Variants in PLAGL1 observed in about 807,000 individuals in gnomAD.
The protein encoded by PLAGL1 is PLAG1 like zinc finger 1.
Under a neutral mutation model 4.6 loss-of-function variants are expected in PLAGL1, and 1 was observed. The observed-to-expected ratio is 0.22, with a 90% confidence interval of 0.08 to 1.03. The LOEUF is 1.03. PLAGL1 is among the 50% of genes least tolerant of loss of function. PLAGL1 has a pLI of 0.58. For missense variants in PLAGL1, 464 were observed against 570.4 expected (o/e 0.81, Z 1.90); for synonymous variants, 240 against 237.8 (o/e 1.01, Z -0.08).
rs964386425 is a variant in PLAGL1 at position 144,062,491 on chromosome 6, A to C, written c.-151+1977T>G. 6.0e-5 allele frequency among the ~76,000 whole-genome samples: 9 copies of C among 151,058 alleles called. No homozygotes were observed. The East Asian group carries it at 1.2e-3, about 19-fold the overall frequency. On this transcript the variant is annotated intron_variant, in intron 1 of 3. Transcript: ENST00000437412. The stretch of plus-strand genomic sequence containing the variant: ...AGACCAAAAAAAAAAAAAAAAAAAA[A>C]AAAACACAGATTTGACTATACAGTG...
rs779000011 is a variant in PLAGL1, at chr6:144,063,449, G to A, written c.-151+1019C>T. ...CCCTCACGTGATTCAGGACATCTGG[G>A]GTGGGCCCAATAGGTGTGTTCTGAA... On this transcript the variant is annotated intron_variant, in intron 1 of 3. Transcript: ENST00000437412. The surrounding 1 kb of genome is among the most constrained non-coding windows in gnomAD (Gnocchi z 5.7). 4.6e-5 allele frequency among the ~76,000 whole-genome samples: 7 copies of A among 152,152 alleles called. No homozygotes were observed. Among genetic ancestry groups the A allele is most frequent in the Non-Finnish European group, 1.0e-4 (7 of 68,032 alleles).
intron 6 of PLAGL1, among the ~76,000 whole-genome samples, chr6:143,956,571 C>A (rs1451007466): frequency 6.6e-6 from 1 of 152,184 alleles, no homozygotes; most frequent in African/African-American, 2.4e-5. Context: ...AAACAAAAAT[C>A]TTTTGGTTAT....
chr6:143,995,840 C>A lies in PLAGL1; in HGVS notation c.-583-10666G>T, dbSNP rs910701263. Among the ~76,000 whole-genome samples, 2 of 151,956 alleles carry A rather than the reference C, an allele frequency of 1.3e-5. No individual in the cohort carries two copies. Among genetic ancestry groups the A allele is most frequent in the East Asian group, 3.9e-4 (2 of 5,190 alleles). ...TAAAACAGAGGTTTTTGTTTCAAAG[C>A]CCAGTAATAATAAGTATTTCCATAA... On this transcript the variant is annotated intron_variant, in intron 1 of 7. Coordinates refer to ENST00000674357, the MANE Select transcript of PLAGL1 (RefSeq NM_001317162.2). This position sits in a 1 kb window ranked among gnomAD's most constrained non-coding sequence, Gnocchi z 4.4.
chr6:144,011,333 A>G (rs1795172755), upstream of PLAGL1, among the ~76,000 whole-genome samples: 2 of 152,244 alleles, frequency 1.3e-5, no homozygotes, highest in East Asian at 3.8e-4. This position sits in a 1 kb window ranked among gnomAD's most constrained non-coding sequence, Gnocchi z 4.3. Flanking sequence ...TTATGTGGCC[A>G]ACAAACATAT....
intron 1 of PLAGL1, among the ~76,000 whole-genome samples, chr6:144,032,284 C>CTT (rs11288479): frequency 2.7e-4 from 31 of 113,422 alleles, no homozygotes; most frequent in African/African-American, 8.3e-4. Context: ...CCACACCTGG[C>CTT]TTTTTTTTTT....
chr6:143,947,869 A>G lies in PLAGL1; in HGVS notation c.152+116T>C, dbSNP rs142848688. 2.5e-4 allele frequency: 190 copies of G among 774,008 alleles called. No homozygotes were observed. In the African/African-American group the frequency reaches 3.1e-3, roughly 12 times the overall value. 47.9% of individuals were successfully genotyped at this position (774,008 alleles called of 1,614,324 possible). ...GATGCAGATTTCAAGAATCCCTCAA[A>G]GGCTAAAATGCATCCATATCCTGTG... is the stretch of plus-strand genomic sequence containing the variant. On this transcript the variant is annotated intron_variant, in intron 7 of 7. Coordinates refer to ENST00000674357, the MANE Select transcript of PLAGL1 (RefSeq NM_001317162.2). This position sits in a 1 kb window ranked among gnomAD's most constrained non-coding sequence, Gnocchi z 4.3.
rs118003051 is a variant in PLAGL1, at chr6:144,038,881, G to A, written c.-151+25587C>T. On this transcript the variant is annotated intron_variant, in intron 1 of 3. Transcript: ENST00000437412. ...TGAAAAAGTCATAAACTTGATTATAGTGGAAAATGCACAACTCTATGAATA... is the reference window on the plus strand; with the variant it reads ...TGAAAAAGTCATAAACTTGATTATAATGGAAAATGCACAACTCTATGAATA... Among the ~76,000 whole-genome samples the A allele has an allele frequency of 2.5e-3, 374 of 152,328 alleles. 2 individuals carry two copies. The highest frequency in any genetic ancestry group is 4.2e-3 in the Admixed American group (64 of 15,298).
intron 1 of PLAGL1, among the ~76,000 whole-genome samples, chr6:144,003,339 A>G (rs1793346333): frequency 1.3e-5 from 2 of 152,192 alleles, no homozygotes. Context: ...AAATCTTGAG[A>G]GTGGGCTGGG....
rs1794229266 is a variant in PLAGL1 at position 144,006,563 on chromosome 6, A to T, written c.-584+1527T>A. On this transcript the variant is annotated intron_variant, in intron 1 of 7. Transcript: ENST00000674357. This position sits in a 1 kb window ranked among gnomAD's most constrained non-coding sequence, Gnocchi z 4.3. The stretch of plus-strand genomic sequence containing the variant: ...TTTTACATAGAAGATATCACACAGC[A>T]TTCTCCGGCAACTTTTTTTTTTTTT... 1 of 150,534 alleles carries T rather than the reference A, an allele frequency of 6.6e-6. No homozygotes were observed. Among genetic ancestry groups the T allele is most frequent in the South Asian group, 2.1e-4 (1 of 4,802 alleles). 9.3% of individuals were successfully genotyped at this position (150,534 alleles called of 1,614,324 possible).
intron 1 of PLAGL1, among the ~76,000 whole-genome samples, chr6:143,987,412 G>A (rs1789442811): frequency 7.2e-6 from 1 of 139,332 alleles, no homozygotes; most frequent in Non-Finnish European, 1.5e-5. Context: ...TGAAAGGCAA[G>A]ATCTGGCATG....
rs556629457 is a variant in PLAGL1 at position 143,971,918 on chromosome 6, G to T, written c.-543-2940C>A. Among the ~76,000 whole-genome samples the T allele has an allele frequency of 2.1e-4, 32 of 152,292 alleles. No homozygotes were observed. Among genetic ancestry groups the T allele is most frequent in the African/African-American group, 7.5e-4 (31 of 41,544 alleles). ...TACGTTGTGGTTTATTTTTAGGAAAGAATAACAGAGAAGAGAGCTTGGATC... is the reference window on the plus strand; with the variant it reads ...TACGTTGTGGTTTATTTTTAGGAAATAATAACAGAGAAGAGAGCTTGGATC... On this transcript the variant is annotated intron_variant, in intron 2 of 7. Transcript: ENST00000674357. This position sits in a 1 kb window ranked among gnomAD's most constrained non-coding sequence, Gnocchi z 4.7.
chr6:144,060,055 AT>A (rs774688385), intron 1 of PLAGL1, among the ~76,000 whole-genome samples: 3,482 of 145,754 alleles, frequency 0.024, 56 homozygotes, highest in Middle Eastern at 0.057. Flanking sequence ...GTGCCACACC[AT>A]TTTTTTTTTT....
At position 144,048,198 on chromosome 6, in the gene PLAGL1, G is replaced by A. The variant is rs1049090567; in HGVS notation, c.-151+16270C>T. On this transcript the variant is annotated intron_variant, in intron 1 of 3. Coordinates refer to the PLAGL1 transcript ENST00000437412. The surrounding 1 kb of genome is among the most constrained non-coding windows in gnomAD (Gnocchi z 4.8). Reference sequence around the variant, plus strand: ...CTGCCTCTGTGGCTTTGCAGGGTACGGCCTCCCTCTTGGCTGCTTTCATGG... The same window carrying A: ...CTGCCTCTGTGGCTTTGCAGGGTACAGCCTCCCTCTTGGCTGCTTTCATGG... Among the ~76,000 whole-genome samples, 13 of 152,258 alleles carry A rather than the reference G, an allele frequency of 8.5e-5. No individual in the cohort carries two copies. In the East Asian group the frequency reaches 1.7e-3, roughly 20 times the overall value.
intron 1 of PLAGL1, among the ~76,000 whole-genome samples, chr6:144,049,207 A>G (rs774449650): frequency 6.6e-6 from 1 of 152,146 alleles, no homozygotes; most frequent in Non-Finnish European, 1.5e-5. Context: ...CACATCATTA[A>G]CTGCATTTTG....
rs1794743670 is a variant in PLAGL1, at chr6:144,008,149, G to C, written c.-643C>G. On this transcript the variant is annotated 5_prime_UTR_variant, in exon 1 of 8. Coordinates refer to ENST00000674357, the MANE Select transcript of PLAGL1 (RefSeq NM_001317162.2). The surrounding 1 kb of genome is among the most constrained non-coding windows in gnomAD (Gnocchi z 6.9). ...GCCGCTCGGGCGTGCCACCTCCGCG[G>C]CCATGACGGCGACCCGGGGAAGCGC... 1 of 151,840 alleles carries C rather than the reference G, an allele frequency of 6.6e-6. No individual in the cohort carries two copies. The highest frequency in any genetic ancestry group is 1.5e-5 in the Non-Finnish European group (1 of 68,012). 9.4% of individuals were successfully genotyped at this position (151,840 alleles called of 1,614,324 possible).
chr6:144,061,766 T>C lies in PLAGL1; in HGVS notation c.-151+2702A>G, dbSNP rs1799423685. 6.6e-6 allele frequency among the ~76,000 whole-genome samples: 1 copy of C among 152,208 alleles called. No individual in the cohort carries two copies. The highest frequency in any genetic ancestry group is 1.5e-5 in the Non-Finnish European group (1 of 68,036). On this transcript the variant is annotated intron_variant, in intron 1 of 3. Coordinates refer to the PLAGL1 transcript ENST00000437412. The surrounding 1 kb of genome is among the most constrained non-coding windows in gnomAD (Gnocchi z 4.4). ...TCCCCACCTCCCACCATCAATTTTATCAAGTTCCTTCCTCCTCCCAATCTC... is the reference window on the plus strand; with the variant it reads ...TCCCCACCTCCCACCATCAATTTTACCAAGTTCCTTCCTCCTCCCAATCTC...
chr6:143,985,982 T>TA lies in PLAGL1; in HGVS notation c.-583-809_-583-808insT, dbSNP rs1554263920. ...TATATCAAATTATATATATATAAAA[T>TA]TATATATATATATATATATATATAT... On this transcript the variant is annotated intron_variant, in intron 1 of 7. Coordinates refer to ENST00000674357, the MANE Select transcript of PLAGL1 (RefSeq NM_001317162.2). This position sits in a 1 kb window ranked among gnomAD's most constrained non-coding sequence, Gnocchi z 4.4. Among the ~76,000 whole-genome samples, 6 of 111,582 alleles carry TA rather than the reference T, an allele frequency of 5.4e-5. No individual in the cohort carries two copies. The highest frequency in any genetic ancestry group is 3.0e-4 in the South Asian group (1 of 3,314). The allele number at this position is 111,582 out of a possible 152,430, so 73.2% of individuals were successfully genotyped here.
At position 143,983,280 on chromosome 6, in the gene PLAGL1, G is replaced by A. The variant is rs1788342558; in HGVS notation, c.-544+1855C>T. 6.6e-6 allele frequency among the ~76,000 whole-genome samples: 1 copy of A among 152,146 alleles called. No homozygotes were observed. The highest frequency in any genetic ancestry group is 1.9e-4 in the East Asian group (1 of 5,194). ...TTGAGTTTGCAATATGAAGGTCGCT[G>A]GTGACACTTGAGAACTTTGGTGGAA... On this transcript the variant is annotated intron_variant, in intron 2 of 7. Coordinates refer to ENST00000674357, the MANE Select transcript of PLAGL1 (RefSeq NM_001317162.2). The surrounding 1 kb of genome is among the most constrained non-coding windows in gnomAD (Gnocchi z 6.6).
In PLAGL1 at chr6:143,973,246, C is replaced by A. The variant is rs141996570; in HGVS notation, c.-543-4268G>T. On this transcript the variant is annotated intron_variant, in intron 2 of 7. Coordinates refer to ENST00000674357, the MANE Select transcript of PLAGL1 (RefSeq NM_001317162.2). This position sits in a 1 kb window ranked among gnomAD's most constrained non-coding sequence, Gnocchi z 6.2. ...GCAGCTGCAACAAAGAGATCAAAGGCCCACCTCTCTTTCCCTCCATTGCTT... is the reference window on the plus strand; with the variant it reads ...GCAGCTGCAACAAAGAGATCAAAGGACCACCTCTCTTTCCCTCCATTGCTT... 2.0e-5 allele frequency among the ~76,000 whole-genome samples: 3 copies of A among 152,262 alleles called. No homozygotes were observed. Among genetic ancestry groups the A allele is most frequent in the Non-Finnish European group, 4.4e-5 (3 of 68,018 alleles).
Sources: gnomAD v4.1 joint callset for allele counts (sites outside exome capture counted in the v4.1 genomes callset) on GRCh38, gnomAD v4.1.1 for gene constraint, Gnocchi (gnomAD v3.1) non-coding constraint, MANE v1.5 for transcripts, NCBI Gene and HGNC (gene_info 2026-07-23, HGNC 2026-07-21) for gene names.